The following DENND5A variants were observed in gnomAD, a reference collection of about 807,000 sequenced individuals.
DENND5A encodes the protein DENN domain-containing protein 5A.
DENND5A carries 64 observed loss-of-function variants against 140.3 expected under a neutral mutation model. The observed-to-expected ratio is 0.46, with a 90% CI of 0.37 to 0.56. DENND5A has a LOEUF of 0.56. DENND5A is among the 20% of genes least tolerant of loss of function. DENND5A has a pLI of 0.00. For synonymous variants in DENND5A, 605 were observed against 607.7 expected (o/e 1.00, Z 0.07); for missense variants, 1,292 against 1,593.8 (o/e 0.81, Z 3.22).
intron 10 of DENND5A, among the ~76,000 whole-genome samples, chr11:9,168,213 G>A (rs1160340079): frequency 6.6e-6 from 1 of 151,888 alleles, no homozygotes; most frequent in Non-Finnish European, 1.5e-5. Context: ...TGTTGTGGGA[G>A]GGACCCAGTG....
chr11:9,230,230 CTTTTTTTT>C (rs71062817), intron 1 of DENND5A, among the ~76,000 whole-genome samples: 2 of 52,060 alleles, frequency 3.8e-5, no homozygotes, highest in Non-Finnish European at 3.2e-5. Context: ...AAAACTAATG[CTTTTTTTT>C]TTTTTTTTTT....
intron 12 of DENND5A, among the ~76,000 whole-genome samples, chr11:9,159,145 T>C (rs546269348): frequency 6.4e-4 from 98 of 152,280 alleles, no homozygotes; most frequent in African/African-American, 2.3e-3. Flanking sequence ...TAGTATGTTT[T>C]CAGAGTTCAT....
At chr11:9,161,361 T>A (rs779947831) in intron 11 of DENND5A, among the ~76,000 whole-genome samples, 6 of 149,298 alleles carry the variant, frequency 4.0e-5, no homozygotes, top group Non-Finnish European at 7.4e-5. Context: ...AAAAAAAAAA[T>A]ATGTAGTTAA....
At chr11:9,217,861 T>C (rs1850155706) in intron 1 of DENND5A, among the ~76,000 whole-genome samples, 1 of 152,214 alleles carries the variant, frequency 6.6e-6, no homozygotes, top group African/African-American at 2.4e-5. Flanking sequence ...CAACAAAGTA[T>C]CTTTTCCCAC....
intron 1 of DENND5A, among the ~76,000 whole-genome samples, chr11:9,232,039 G>C (rs1255462551): frequency 1.3e-5 from 2 of 151,864 alleles, no homozygotes; most frequent in East Asian, 3.9e-4. Context: ...AAAAAAATGG[G>C]GAAGCTTTTT....
chr11:9,158,332 C>T (rs1847875288), intron 12 of DENND5A, among the ~76,000 whole-genome samples: 1 of 151,766 alleles, frequency 6.6e-6, no homozygotes. Context: ...ATCACTTGAG[C>T]CCAGGAGTTT....
chr11:9,194,494 G>C (rs2136197062), intron 4 of DENND5A, among the ~76,000 whole-genome samples: 1 of 151,806 alleles, frequency 6.6e-6, no homozygotes, highest in South Asian at 2.1e-4. Context: ...GCTTGAACCT[G>C]GGAGGCAGAG....
Position 9,145,061 on chromosome 11 carries a change from C to G in DENND5A, c.3056G>C (p.Gly1019Ala). 6.2e-7 allele frequency: 1 copy of G among 1,614,136 alleles called. No individual in the cohort carries two copies. The highest frequency in any genetic ancestry group is 8.5e-7 in the Non-Finnish European group (1 of 1,180,022). Reference protein sequence around the residue: ...TTVQIGHDNSGLYAKWLVEYV... With the variant: ...TTVQIGHDNSALYAKWLVEYV... The stretch of plus-strand genomic sequence containing the variant: ...CTCCACCAGCCATTTGGCATACAGC[C>G]CAGAGTTATCATGGCCAATCTGGAC... Residue 1019 changes from glycine (G) to alanine (A), a missense_variant, in exon 18 of 23, where the codon GGG becomes GCG. Coordinates refer to ENST00000328194, the MANE Select transcript of DENND5A (RefSeq NM_015213.4).
intron 1 of DENND5A, among the ~76,000 whole-genome samples, chr11:9,253,886 A>C (rs1302704935): frequency 6.7e-6 from 1 of 149,314 alleles, no homozygotes; most frequent in Non-Finnish European, 1.5e-5. Flanking sequence ...CAATGGGCGC[A>C]GTGGCTCACA....
chr11:9,187,266 C>T (rs1266575585), intron 5 of DENND5A, among the ~76,000 whole-genome samples: 1 of 152,184 alleles, frequency 6.6e-6, no homozygotes, highest in Non-Finnish European at 1.5e-5. Flanking sequence ...CCTCATATAT[C>T]CTCCTTCCTC....
At chr11:9,217,839 A>T (rs1372914036) in intron 1 of DENND5A, among the ~76,000 whole-genome samples, 1 of 152,250 alleles carries the variant, frequency 6.6e-6, no homozygotes, top group Non-Finnish European at 1.5e-5. Context: ...CTGTCAAAGC[A>T]TGTGTCATTT....
intron 8 of DENND5A, 124 bp from the exon 9 acceptor site, chr11:9,170,901 G>C (rs1590229744): frequency 6.7e-7 from 1 of 1,489,882 alleles, no homozygotes; most frequent in East Asian, 2.3e-5. Flanking sequence ...TAGAGTAAAA[G>C]GGACTGATTT....
intron 1 of DENND5A, among the ~76,000 whole-genome samples, chr11:9,239,132 T>G (rs372421839): frequency 3.3e-5 from 5 of 151,800 alleles, no homozygotes; most frequent in South Asian, 2.1e-4. Flanking sequence ...GCGCCCGGCC[T>G]ACATCCTTCT....
chr11:9,223,159 C>T (rs768637339), intron 1 of DENND5A, among the ~76,000 whole-genome samples: 5 of 151,472 alleles, frequency 3.3e-5, no homozygotes, highest in African/African-American at 9.7e-5. Flanking sequence ...GGAGCTGAGA[C>T]AAGAAGATCA....
intron 8 of DENND5A, chr11:9,171,807 G>T (rs956528914): frequency 6.6e-6 from 1 of 152,076 alleles, no homozygotes; most frequent in African/African-American, 2.4e-5. Flanking sequence ...AGGTTATGGT[G>T]AGCTATAATT....
chr11:9,225,153 A>T (rs528845516), intron 1 of DENND5A, among the ~76,000 whole-genome samples: 1 of 152,176 alleles, frequency 6.6e-6, no homozygotes, highest in Non-Finnish European at 1.5e-5. Flanking sequence ...TAAAAATCAC[A>T]ATTTTTGGCA....
chr11:9,214,850 A>G (rs914004031), intron 1 of DENND5A, among the ~76,000 whole-genome samples: 2 of 152,076 alleles, frequency 1.3e-5, no homozygotes, highest in African/African-American at 2.4e-5. Context: ...CGGCCTCCCA[A>G]CTAGCTGGGA....
intron 1 of DENND5A, among the ~76,000 whole-genome samples, chr11:9,251,138 CAAAAAAAAAA>C (rs887593530): frequency 1.1e-5 from 1 of 90,020 alleles, no homozygotes; most frequent in African/African-American, 4.8e-5. Context: ...CCATCTCAAA[CAAAAAAAAAA>C]AAAAAAAAAG....
In DENND5A at chr11:9,144,133, G is replaced by A. The variant is rs1334416061; in HGVS notation, c.3268C>T (p.Arg1090Trp). 3.7e-6 allele frequency: 6 copies of A among 1,613,894 alleles called. No individual in the cohort carries two copies. Among genetic ancestry groups the A allele is most frequent in the Middle Eastern group, 1.6e-4 (1 of 6,078 alleles). ...TTGGGTGAGATGGTAACAAGCCTCC[G>A]GATGACACTGGGGGACTGCTGCAGC... is the stretch of plus-strand genomic sequence containing the variant. ...PPLQQSPSVI[R>W]RLVTISPNNK... Residue 1090 changes from arginine to tryptophan, a missense_variant, in exon 19 of 23, where the codon CGG becomes TGG. Arg to Trp is a moderately radical substitution (Grantham distance 101). This residue lies in a region of DENND5A where 498 missense variants were observed against 689.7 expected (regional missense o/e 0.72). Coordinates refer to ENST00000328194, the MANE Select transcript of DENND5A (RefSeq NM_015213.4).
Sources: gnomAD v4.1 joint callset for allele counts (sites outside exome capture counted in the v4.1 genomes callset) on GRCh38, gnomAD v4.1.1 for gene constraint, gnomAD v4.1.1 regional missense constraint, MANE v1.5 for transcripts, NCBI Gene and HGNC (gene_info 2026-07-23, HGNC 2026-07-21) for gene names.